TNS1: variants seen among roughly 807,000 people sequenced by gnomAD.
The protein encoded by TNS1 is tensin 1.
TNS1 carries 62 observed loss-of-function variants against 168.6 expected under a neutral mutation model. The observed-to-expected ratio is 0.37, with a 90% confidence interval of 0.30 to 0.45. The LOEUF is 0.45. Ranked by LOEUF, TNS1 falls within the 20% of genes least tolerant of loss-of-function variation. The probability of loss-of-function intolerance (pLI) is 1.00; values close to 1 mark genes in which losing one functional copy is unlikely to be tolerated. For missense variants in TNS1, 2,240 were observed against 2,339.4 expected (o/e 0.96, Z 0.88); for synonymous variants, 934 against 933.2 (o/e 1.00, Z -0.02).
rs1251727169 is a variant in TNS1, at chr2:217,987,796, A to G, written c.148+3146T>C. On this transcript the variant is annotated intron_variant, in intron 2 of 32. Coordinates refer to ENST00000682258, the MANE Select transcript of TNS1 (RefSeq NM_001387777.1). The stretch of plus-strand genomic sequence containing the variant: ...ACTGAGTCAGGCTCAGTGAACAGAC[A>G]TGAGCTGGAGTTTGGTCCACACATG... Among the ~76,000 whole-genome samples, 3 of 152,280 alleles carry G rather than the reference A, an allele frequency of 2.0e-5. No individual in the cohort carries two copies. The East Asian group carries it at 5.8e-4, about 29-fold the overall frequency.
intron 3 of TNS1, among the ~76,000 whole-genome samples, chr2:217,930,152 T>C (rs958987176): frequency 2.0e-5 from 3 of 152,216 alleles, no homozygotes; most frequent in African/African-American, 7.2e-5. Flanking sequence ...CCGCTTTCAT[T>C]CAATACGGCG....
In TNS1 at chr2:217,883,848, C is replaced by G. The variant is rs1456624071; in HGVS notation, c.1246+1187G>C. Among the ~76,000 whole-genome samples, 5 of 152,310 alleles carry G rather than the reference C, an allele frequency of 3.3e-5. No homozygotes were observed. The East Asian group carries it at 9.6e-4, about 29-fold the overall frequency. On this transcript the variant is annotated intron_variant, in intron 16 of 32. Transcript: ENST00000682258. ...GAGATCTGGACCCTCCTCCAAGCCC[C>G]AGGTCCAGTCTTTCTCCGCCTGAGC...
chr2:217,812,720 G>C (rs1228745834), intron 27 of TNS1, among the ~76,000 whole-genome samples: 1 of 152,120 alleles, frequency 6.6e-6, no homozygotes, highest in African/African-American at 2.4e-5. Context: ...CAGTTACTGG[G>C]GCTCCTCTGA....
At chr2:217,884,867 T>A (rs1951041639) in intron 16 of TNS1, among the ~76,000 whole-genome samples, 168 bp downstream of exon 16, 1 of 152,100 alleles carries the variant, frequency 6.6e-6, no homozygotes, top group African/African-American at 2.4e-5. Context: ...GACCATCCAA[T>A]CTCAACTCTC....
chr2:217,906,006 G>A (rs191201120), intron 6 of TNS1, among the ~76,000 whole-genome samples: 1 of 152,306 alleles, frequency 6.6e-6, no homozygotes, highest in East Asian at 1.9e-4. Flanking sequence ...CTCTGCCTCA[G>A]CCCTCGGTTT....
intron 6 of TNS1, among the ~76,000 whole-genome samples, chr2:217,904,164 C>T (rs1279308978): frequency 2.0e-5 from 3 of 152,182 alleles, no homozygotes; most frequent in African/African-American, 7.2e-5. Flanking sequence ...CCCCCTTCAG[C>T]CACACCCCTT....
At chr2:217,861,165 C>T (rs1192776352) in intron 18 of TNS1, among the ~76,000 whole-genome samples, 1 of 152,198 alleles carries the variant, frequency 6.6e-6, no homozygotes. Flanking sequence ...GGGGCCGTAA[C>T]AGTGGATTTT....
chr2:217,973,184 T>C (rs188848541), intron 3 of TNS1, among the ~76,000 whole-genome samples: 6 of 151,818 alleles, frequency 4.0e-5, no homozygotes, highest in African/African-American at 1.4e-4. Flanking sequence ...CGAGACCCTG[T>C]CTCTACAAAA....
chr2:217,920,302 G>C (rs1955585701), intron 3 of TNS1, 66 bp from the exon 4 acceptor site: 1 of 702,338 alleles, frequency 1.4e-6, no homozygotes, highest in Non-Finnish European at 2.6e-6. Context: ...AGCACCTCCT[G>C]AGGTCACCCC....
rs181716277 is a variant in TNS1, at chr2:217,969,553, C to G, written c.186+9212G>C. Among the ~76,000 whole-genome samples the G allele has an allele frequency of 9.0e-4, 137 of 152,142 alleles. 1 individual carries two copies. The highest frequency in any genetic ancestry group is 9.7e-4 in the East Asian group (5 of 5,180). ...TCTATATTTGATAAGGAATTTGTAT[C>G]CTGAACGTATAAAGAACTTTTACAA... is the stretch of plus-strand genomic sequence containing the variant. On this transcript the variant is annotated intron_variant, in intron 3 of 32. Coordinates refer to ENST00000682258, the MANE Select transcript of TNS1 (RefSeq NM_001387777.1).
At position 218,033,765 on chromosome 2, in the gene TNS1, A is replaced by G. The variant is rs375705865; in HGVS notation, c.156+55T>C. Among the ~76,000 whole-genome samples, 1,797 of 152,292 alleles carry G rather than the reference A, an allele frequency of 0.012. 36 individuals are homozygous for G. Among genetic ancestry groups the G allele is most frequent in the African/African-American group, 0.041 (1,702 of 41,558 alleles). On this transcript the variant is annotated intron_variant, in intron 1 of 1. Coordinates refer to the TNS1 transcript ENST00000649572. The surrounding 1 kb of genome is among the most constrained non-coding windows in gnomAD (Gnocchi z 4.3). ...TGTGTCAGGTGCCCTGGGCTCTGCC[A>G]ACCGCCAGCTCCCGACTCGGGGCGT...
At chr2:217,898,722 G>A (rs942875236) in intron 7 of TNS1, among the ~76,000 whole-genome samples, 18 of 152,234 alleles carry the variant, frequency 1.2e-4, no homozygotes, top group Non-Finnish European at 2.9e-5. Context: ...TGCAGTGGCG[G>A]GCAGCCGCCA....
At chr2:217,888,742 G>A (rs529602508) in intron 12 of TNS1, among the ~76,000 whole-genome samples, 22 of 152,086 alleles carry the variant, frequency 1.4e-4, no homozygotes, top group Non-Finnish European at 2.5e-4. Context: ...TTCACCTTCC[G>A]CCATGATTGT....
chr2:217,809,922 G>A lies in TNS1; in HGVS notation c.5174C>T (p.Ala1725Val). ...SLTGPQAISK[A>V]TSETLAADPT... ...GTCTGCAGCCAACGTCTCAGATGTG[G>A]CTTTAGAGATGGCCTGTGGCCCAGT... Residue 1725 changes from alanine to valine, a missense_variant, in exon 30 of 33, where the codon GCC becomes GTC. Physicochemically the swap from Ala to Val is moderately conservative, Grantham distance 64. This residue lies in a region of TNS1 where 109 missense variants were observed against 168.1 expected (regional missense o/e 0.65). Transcript: ENST00000682258. 1 of 1,613,674 alleles carries A rather than the reference G, an allele frequency of 6.2e-7. No homozygotes were observed. The highest frequency in any genetic ancestry group is 8.5e-7 in the Non-Finnish European group (1 of 1,179,694).
Position 218,020,521 on chromosome 2 carries a change from A to C in TNS1, c.156+13299T>G, listed in dbSNP as rs138886213. On this transcript the variant is annotated intron_variant, in intron 1 of 1. Coordinates refer to the TNS1 transcript ENST00000649572. ...GCTGCCTGGGGAACCACCGAGAAGC[A>C]GCCAGGTTCGCTGACAGCAGAGAGC... Among the ~76,000 whole-genome samples the C allele has an allele frequency of 6.6e-5, 10 of 152,250 alleles. No homozygotes were observed. The East Asian group carries it at 1.9e-3, about 29-fold the overall frequency.
intron 19 of TNS1, among the ~76,000 whole-genome samples, chr2:217,844,110 G>T (rs1295144126): frequency 6.6e-6 from 1 of 152,058 alleles, no homozygotes; most frequent in Admixed American, 6.6e-5. Flanking sequence ...CATTTTTGAT[G>T]ATCCTTCTCC....
At chr2:217,842,182 C>T (rs1016192822) in intron 19 of TNS1, 11 of 700,392 alleles carry the variant, frequency 1.6e-5, no homozygotes, top group Admixed American at 8.1e-5. Context: ...CTCAACCCCT[C>T]GGTGACATTG....
At position 217,848,403 on chromosome 2, in the gene TNS1, G is replaced by A; in HGVS notation, c.2114C>T (p.Pro705Leu). The A allele has an allele frequency of 6.3e-7, 1 of 1,587,038 alleles. No individual in the cohort carries two copies. The highest frequency in any genetic ancestry group is 2.2e-5 in the East Asian group (1 of 44,612). Residue 705 changes from proline to leucine, a missense_variant, in exon 19 of 33, where the codon CCC becomes CTC. Coordinates refer to ENST00000682258, the MANE Select transcript of TNS1 (RefSeq NM_001387777.1). The part of the protein sequence containing the change: ...AHAGHTAPMR[P>L]SYSAQEGLAG... ...TAAACCCTCCTGTGCAGAGTAGGAG[G>A]GCCGCATGGGGGCCGTGTGGCCAGC... is the stretch of plus-strand genomic sequence containing the variant.
At chr2:217,805,772 A>T (rs1375429928) in intron 32 of TNS1, among the ~76,000 whole-genome samples, 15 of 149,856 alleles carry the variant, frequency 1.0e-4, no homozygotes, top group African/African-American at 3.0e-4. Flanking sequence ...ACACACCACC[A>T]CACACACATA....
Sources: allele counts gnomAD v4.1 joint callset (sites outside exome capture counted in the v4.1 genomes callset), GRCh38; gene constraint gnomAD v4.1.1; regional missense constraint gnomAD v4.1.1; non-coding constraint Gnocchi (gnomAD v3.1); transcripts MANE v1.5; gene names NCBI Gene and HGNC (gene_info 2026-07-23, HGNC 2026-07-21).